Variants in GYPE observed in about 807,000 individuals in gnomAD.
GYPE encodes glycophorin-E.
Under a neutral mutation model 11.6 loss-of-function variants are expected in GYPE, and 8 were observed. The observed-to-expected ratio is 0.69, with a 90% CI of 0.41 to 1.25. The LOEUF is 1.25. Among genes scored for constraint, GYPE ranks in the 50% most tolerant of loss-of-function variants. The pLI is 0.01. For synonymous variants in GYPE, 28 were observed against 29.6 expected (o/e 0.94, Z 0.18); for missense variants, 90 against 92.8 (o/e 0.97, Z 0.12).
chr4:143,878,704 C>G (rs1288335212), intron 2 of GYPE: 1 of 490,642 alleles, frequency 2.0e-6, no homozygotes, highest in Admixed American at 2.2e-5. Context: ...CAATGTAAGT[C>G]CAAATAAGTA....
At chr4:143,873,466 A>G (rs1291218829) in intron 3 of GYPE, 1 of 455,818 alleles carries the variant, frequency 2.2e-6, no homozygotes, top group Non-Finnish European at 4.4e-6. Flanking sequence ...TATGTTACCA[A>G]TAACACAACC....
chr4:143,897,163 T>TA (rs562144648), intron 1 of GYPE, among the ~76,000 whole-genome samples: 4 of 151,754 alleles, frequency 2.6e-5, no homozygotes, highest in African/African-American at 9.7e-5. Context: ...ATAATAATAA[T>TA]AAAAAAAATT....
chr4:143,893,779 A>AT (rs1744506398), intron 1 of GYPE, among the ~76,000 whole-genome samples: 2 of 152,048 alleles, frequency 1.3e-5, no homozygotes, highest in African/African-American at 4.8e-5. Context: ...GAATCTGACA[A>AT]TTACGTGTCT....
intron 1 of GYPE, among the ~76,000 whole-genome samples, chr4:143,902,035 T>G (rs11721561): frequency 6.6e-6 from 1 of 151,918 alleles, no homozygotes; most frequent in African/African-American, 2.4e-5. Context: ...TGAAAAATGA[T>G]TGTAGATACC....
At chr4:143,875,495 G>C in intron 3 of GYPE, 2 of 1,551,088 alleles carry the variant, frequency 1.3e-6, no homozygotes, top group Non-Finnish European at 1.7e-6. Context: ...CAGCATGCAG[G>C]CCACATCCTC....
chr4:143,898,538 T>A (rs377275006), intron 1 of GYPE, among the ~76,000 whole-genome samples: 380 of 152,278 alleles, frequency 2.5e-3, no homozygotes, highest in Non-Finnish European at 3.7e-3. Flanking sequence ...ATGGACCATT[T>A]TAGCCCAATA....
intron 1 of GYPE, among the ~76,000 whole-genome samples, chr4:143,900,590 C>A (rs1255874833): frequency 2.0e-5 from 3 of 148,588 alleles, no homozygotes; most frequent in Non-Finnish European, 4.5e-5. Context: ...CCCAAATTTT[C>A]ATCAAATGAT....
At chr4:143,879,341 C>A (rs796875342) in intron 2 of GYPE, among the ~76,000 whole-genome samples, 2 of 152,180 alleles carry the variant, frequency 1.3e-5, no homozygotes, top group Non-Finnish European at 2.9e-5. Flanking sequence ...TTAATTATTA[C>A]AAATTACTTA....
At chr4:143,903,881 A>C (rs1744960849) in intron 1 of GYPE, among the ~76,000 whole-genome samples, 1 of 151,804 alleles carries the variant, frequency 6.6e-6, no homozygotes, top group African/African-American at 2.4e-5. Context: ...AGTTTTCCCA[A>C]ATGCTGGGCA....
At chr4:143,877,080 C>A (rs1360191097) in intron 2 of GYPE, among the ~76,000 whole-genome samples, 1 of 152,162 alleles carries the variant, frequency 6.6e-6, no homozygotes, top group Non-Finnish European at 1.5e-5. Flanking sequence ...CAAGGTCGCA[C>A]AAATAGTTGA....
At position 143,898,914 on chromosome 4, in the gene GYPE, T is replaced by C. The variant is rs562729218; in HGVS notation, c.37+6557A>G. ...AAAATGCAATTTCAGTGCCATGATC[T>C]CTATTCTCAGTTGCCTCAAATAGCT... On this transcript the variant is annotated intron_variant, in intron 1 of 3. Coordinates refer to ENST00000358615, the MANE Select transcript of GYPE (RefSeq NM_198682.3). Among the ~76,000 whole-genome samples, 422 of 150,488 alleles carry C rather than the reference T, an allele frequency of 2.8e-3. 3 individuals are homozygous for C. Among genetic ancestry groups the C allele is most frequent in the Non-Finnish European group, 4.4e-3 (296 of 67,492 alleles).
intron 1 of GYPE, among the ~76,000 whole-genome samples, chr4:143,899,304 G>A (rs1161811009): frequency 6.6e-6 from 1 of 152,002 alleles, no homozygotes; most frequent in African/African-American, 2.4e-5. Flanking sequence ...CAGTGGAACT[G>A]CCTAGGCTCA....
At chr4:143,878,751 T>A (rs1743907473) in intron 2 of GYPE, 1 of 437,166 alleles carries the variant, frequency 2.3e-6, no homozygotes, top group Non-Finnish European at 4.6e-6. Flanking sequence ...GGAATCGAAC[T>A]GTTCTGTGGG....
At chr4:143,903,524 CAAAAAAAAA>C (rs11400558) in intron 1 of GYPE, among the ~76,000 whole-genome samples, 1 of 98,848 alleles carries the variant, frequency 1.0e-5, no homozygotes, top group African/African-American at 4.0e-5. Context: ...TTTTTCATAG[CAAAAAAAAA>C]AAAAAAAAAG....
intron 1 of GYPE, among the ~76,000 whole-genome samples, chr4:143,888,091 A>G (rs1744274615): frequency 1.3e-5 from 1 of 79,798 alleles, no homozygotes. Flanking sequence ...TTCCCATTGT[A>G]CCATGGAGGT....
At chr4:143,874,599 A>G (rs1743727711) in intron 3 of GYPE, among the ~76,000 whole-genome samples, 3 of 152,170 alleles carry the variant, frequency 2.0e-5, no homozygotes, top group Admixed American at 6.5e-5. Context: ...TGTTTTTAGG[A>G]TGGGAGAAAA....
At chr4:143,888,416 A>G (rs1285261467) in intron 1 of GYPE, among the ~76,000 whole-genome samples, 1 of 65,136 alleles carries the variant, frequency 1.5e-5, no homozygotes, top group African/African-American at 4.0e-5. Flanking sequence ...TGCATAAGCA[A>G]ACTCTTACAA....
In GYPE at chr4:143,878,623, T is replaced by A. The variant is rs138090060; in HGVS notation, c.137-1768A>T. On this transcript the variant is annotated intron_variant, in intron 2 of 3. Transcript: ENST00000358615. The stretch of plus-strand genomic sequence containing the variant: ...AAAATGGAATGATTTTGATTCTTTG[T>A]CAAATATTAACATATCTGCTTCAGG... 8.2e-3 allele frequency: 3,901 copies of A among 473,436 alleles called. 223 individuals are homozygous for A. In the Admixed American group the frequency reaches 0.091, roughly 11 times the overall value. 29.3% of individuals were successfully genotyped at this position (473,436 alleles called of 1,614,324 possible).
intron 1 of GYPE, among the ~76,000 whole-genome samples, chr4:143,895,218 C>A (rs537259808): frequency 4.6e-4 from 70 of 152,256 alleles, no homozygotes; most frequent in Non-Finnish European, 9.0e-4. Flanking sequence ...GTCAAATTGT[C>A]CCTGTTCACA....
Sources: allele counts gnomAD v4.1 joint callset (sites outside exome capture counted in the v4.1 genomes callset), GRCh38; gene constraint gnomAD v4.1.1; transcripts MANE v1.5; gene names NCBI Gene and HGNC (gene_info 2026-07-23, HGNC 2026-07-21).